Variants in BARD1 observed in about 807,000 individuals in gnomAD.
BARD1 encodes the protein BRCA1 associated RING domain 1, also known as BRCA1-associated RING domain protein 1.
In BARD1, 73 loss-of-function variants were observed where a neutral mutation model predicts 77.0. The ratio of observed to expected loss-of-function variants is 0.95; its 90% CI spans 0.79 to 1.15. BARD1 has a LOEUF of 1.15. Ranked by LOEUF, BARD1 falls within the 50% of genes most tolerant of loss-of-function variation. The probability of loss-of-function intolerance (pLI) is 0.00; values close to 1 mark genes in which losing one functional copy is unlikely to be tolerated. For synonymous variants in BARD1, 384 were observed against 338.0 expected (o/e 1.14, Z -1.49); for missense variants, 993 against 938.8 (o/e 1.06, Z -0.75).
chr2:214,800,866 A>AT (rs1170425863), intron 1 of BARD1, among the ~76,000 whole-genome samples: 1 of 152,222 alleles, frequency 6.6e-6, no homozygotes, highest in Non-Finnish European at 1.5e-5. Context: ...CTTGACAATT[A>AT]TTTTGTACTT....
Position 214,727,145 on chromosome 2 carries a change from C to T in BARD1, c.*1531G>A, listed in dbSNP as rs925814635. ...ACTGGTTGTAGAGAGTGTTTCAGAG[C>T]TAATTCACCCAGCAAGGTCAGGGTC... On this transcript the variant is annotated 3_prime_UTR_variant, in exon 11 of 11. Coordinates refer to ENST00000260947, the MANE Select transcript of BARD1 (RefSeq NM_000465.4). The T allele has an allele frequency of 3.2e-5, 7 of 217,794 alleles. No homozygotes were observed. The highest frequency in any genetic ancestry group is 6.5e-5 in the Non-Finnish European group (7 of 108,366). The allele number at this position is 217,794 out of a possible 1,614,324, so 13.5% of individuals were successfully genotyped here.
chr2:214,733,181 C>T (rs920181085), intron 9 of BARD1, among the ~76,000 whole-genome samples: 1 of 152,154 alleles, frequency 6.6e-6, no homozygotes, highest in South Asian at 2.1e-4. Context: ...TCCACTTCGG[C>T]GCTCTTCCTA....
intron 7 of BARD1, 100 bp from the exon 8 acceptor site, chr2:214,745,954 T>C (rs181718589): frequency 2.0e-4 from 263 of 1,320,042 alleles, no homozygotes; most frequent in Non-Finnish European, 2.7e-4. Flanking sequence ...TTTCATTACT[T>C]AGTTTACTCT....
intron 3 of BARD1, among the ~76,000 whole-genome samples, chr2:214,789,771 C>T (rs982922488): frequency 2.0e-5 from 3 of 152,004 alleles, no homozygotes; most frequent in African/African-American, 7.2e-5. Context: ...TAAAGATGAC[C>T]TTCGTGTTCC....
chr2:214,767,637 A>T lies in BARD1; in HGVS notation c.1413T>A (p.His471Gln). ...ATAATTCCACTACCTTCAGGTGCCC[A>T]TGATTGCAAGCTTCATGCTAATTAA... is the stretch of plus-strand genomic sequence containing the variant. ...GWTPLHEACN[H>Q]GHLKVVELLL... The change falls in exon 6 of 11, where the codon CAT becomes CAA. Residue 471 changes from histidine to glutamine, a missense_variant. By Grantham distance (24) the His-to-Gln change is conservative. Transcript: ENST00000260947. The T allele has an allele frequency of 6.2e-7, 1 of 1,614,062 alleles. No homozygotes were observed. Among genetic ancestry groups the T allele is most frequent in the African/African-American group, 1.3e-5 (1 of 75,044 alleles).
intron 7 of BARD1, among the ~76,000 whole-genome samples, chr2:214,748,315 G>A (rs1030236409): frequency 1.3e-5 from 2 of 151,980 alleles, no homozygotes; most frequent in African/African-American, 4.8e-5. Flanking sequence ...TGGGGGCTGG[G>A]GATTTGACTT....
intron 2 of BARD1, among the ~76,000 whole-genome samples, chr2:214,795,613 A>C (rs1284700635): frequency 6.6e-6 from 1 of 152,214 alleles, no homozygotes; most frequent in African/African-American, 2.4e-5. Context: ...TAGTATGAGC[A>C]GAGATAATAC....
intron 4 of BARD1, among the ~76,000 whole-genome samples, chr2:214,770,877 T>C (rs760641275): frequency 5.3e-5 from 8 of 152,224 alleles, no homozygotes; most frequent in Non-Finnish European, 1.2e-4. Context: ...CCTCCAGCTA[T>C]CTAATACCAG....
At chr2:214,747,937 A>T (rs1693218942) in intron 7 of BARD1, among the ~76,000 whole-genome samples, 1 of 151,962 alleles carries the variant, frequency 6.6e-6, no homozygotes, top group African/African-American at 2.4e-5. Context: ...TGGATTGTTC[A>T]ATTACTCTTT....
intron 6 of BARD1, among the ~76,000 whole-genome samples, chr2:214,763,496 G>T (rs1694053838): frequency 6.6e-6 from 1 of 152,188 alleles, no homozygotes; most frequent in Admixed American, 6.5e-5. Flanking sequence ...AGGTCATGAA[G>T]AACACAGCCA....
At chr2:214,744,993 T>G in intron 9 of BARD1, 74 bp downstream of exon 9, 1 of 1,258,010 alleles carries the variant, frequency 7.9e-7, no homozygotes, top group East Asian at 2.4e-5. Flanking sequence ...AGTTCCTTAA[T>G]CACAGGCATT....
At chr2:214,799,651 C>T (rs1695924550) in intron 1 of BARD1, among the ~76,000 whole-genome samples, 1 of 151,502 alleles carries the variant, frequency 6.6e-6, no homozygotes, top group Non-Finnish European at 1.5e-5. Context: ...ATTCATAATA[C>T]TTGCCTTTCT....
rs928544029 is a variant in BARD1, at chr2:214,740,398, G to A, written c.1903+4669C>T. ...ATTATTACAACTTGAAAATTTCAAC[G>A]TATTAATTTATTCCTAGAGAACTTA... On this transcript the variant is annotated intron_variant, in intron 9 of 10. Transcript: ENST00000260947. Among the ~76,000 whole-genome samples, 25 of 134,500 alleles carry A rather than the reference G, an allele frequency of 1.9e-4. No homozygotes were observed. In the East Asian group the frequency reaches 2.3e-3, roughly 12 times the overall value. 88.2% of individuals were successfully genotyped at this position (134,500 alleles called of 152,430 possible). A position where few individuals can be genotyped will look rare whatever the true frequency, so the allele number is the denominator to read the frequency against.
chr2:214,804,053 T>C (rs1696154281), intron 1 of BARD1, among the ~76,000 whole-genome samples: 1 of 152,214 alleles, frequency 6.6e-6, no homozygotes, highest in African/African-American at 2.4e-5. Context: ...CTATTTAATA[T>C]TAGGCAAGAC....
chr2:214,790,503 G>A (rs757244015), intron 3 of BARD1, among the ~76,000 whole-genome samples: 1 of 152,104 alleles, frequency 6.6e-6, no homozygotes, highest in Non-Finnish European at 1.5e-5. Context: ...CCTAAAACAG[G>A]TTCTGTCTCA....
chr2:214,744,918 A>G, intron 9 of BARD1, 149 bp downstream of exon 9: 1 of 741,114 alleles, frequency 1.3e-6, no homozygotes, highest in Non-Finnish European at 2.3e-6. Context: ...GGCTTGAGCC[A>G]CCACGCCCAG....
Position 214,769,228 on chromosome 2 carries a change from C to T in BARD1, c.1395+4G>A, listed in dbSNP as rs1025329798. On this transcript the variant is annotated splice_donor_region_variant and intron_variant, in intron 5 of 10. Coordinates refer to ENST00000260947, the MANE Select transcript of BARD1 (RefSeq NM_000465.4). Reference sequence around the variant, plus strand: ...AAGAATGAGAATAAAAACCAGACAACTACCAATGGTGTCCATCCAGCATGG... The same window carrying T: ...AAGAATGAGAATAAAAACCAGACAATTACCAATGGTGTCCATCCAGCATGG... 1 of 1,607,858 alleles carries T rather than the reference C, an allele frequency of 6.2e-7. No individual in the cohort carries two copies. Among genetic ancestry groups the T allele is most frequent in the Non-Finnish European group, 8.5e-7 (1 of 1,174,484 alleles).
intron 6 of BARD1, among the ~76,000 whole-genome samples, chr2:214,762,990 G>C (rs1461473420): frequency 6.7e-6 from 1 of 150,118 alleles, no homozygotes; most frequent in Non-Finnish European, 1.5e-5. Context: ...GTGTGAAGGA[G>C]GAGGTTTTCA....
chr2:214,729,072 A>T, intron 10 of BARD1, 64 bp from the exon 11 acceptor site: 1 of 1,440,056 alleles, frequency 6.9e-7, no homozygotes, highest in Non-Finnish European at 9.7e-7. Flanking sequence ...AACACTGTAT[A>T]TGAATGAGGA....
Sources: gnomAD v4.1 joint callset for allele counts (sites outside exome capture counted in the v4.1 genomes callset) on GRCh38, gnomAD v4.1.1 for gene constraint, MANE v1.5 for transcripts, NCBI Gene and HGNC (gene_info 2026-07-23, HGNC 2026-07-21) for gene names.